Variants in MYRIP observed in about 807,000 individuals in gnomAD.
MYRIP encodes the protein myosin VIIA and Rab interacting protein.
MYRIP carries 49 observed loss-of-function variants against 98.0 expected under a neutral mutation model. The ratio of observed to expected loss-of-function variants is 0.50; its 90% CI spans 0.40 to 0.63. The LOEUF (loss-of-function observed/expected upper bound fraction) is 0.63. MYRIP is among the 30% of genes least tolerant of loss of function. The pLI, the probability that MYRIP is intolerant of heterozygous loss-of-function variation, is 0.00. For missense variants in MYRIP, 1,004 were observed against 1,058.2 expected (o/e 0.95, Z 0.71); for synonymous variants, 404 against 409.5 (o/e 0.99, Z 0.16).
At chr3:40,185,505 G>C (rs1441610389) in intron 9 of MYRIP, among the ~76,000 whole-genome samples, 1 of 152,148 alleles carries the variant, frequency 6.6e-6, no homozygotes, top group Non-Finnish European at 1.5e-5. Flanking sequence ...GATGGACCGG[G>C]AGACTGTGGT....
chr3:39,996,205 A>G (rs1325055005), intron 2 of MYRIP, among the ~76,000 whole-genome samples: 7 of 152,318 alleles, frequency 4.6e-5, no homozygotes, highest in African/African-American at 9.6e-5. Flanking sequence ...ATGTAAATGG[A>G]CTAAATCCTC....
chr3:40,164,822 C>T lies in MYRIP; in HGVS notation c.550+2012C>T, dbSNP rs555834498. Reference sequence around the variant, plus strand: ...ATAGCATCCAAAGCCTTCCTAGTTACAGCTCCAGGTGCCTACCTTCCAGGG... The same window carrying T: ...ATAGCATCCAAAGCCTTCCTAGTTATAGCTCCAGGTGCCTACCTTCCAGGG... On this transcript the variant is annotated intron_variant, in intron 5 of 16. Transcript: ENST00000302541. Among the ~76,000 whole-genome samples, 10 of 152,152 alleles carry T rather than the reference C, an allele frequency of 6.6e-5. No homozygotes were observed. In the East Asian group the frequency reaches 1.9e-3, roughly 29 times the overall value.
chr3:39,876,747 C>T (rs1278325899), intron 1 of MYRIP, among the ~76,000 whole-genome samples: 3 of 152,088 alleles, frequency 2.0e-5, no homozygotes, highest in Non-Finnish European at 4.4e-5. Flanking sequence ...GAGGGTAACC[C>T]GACTTTTCTC....
intron 11 of MYRIP, among the ~76,000 whole-genome samples, chr3:40,217,344 T>C (rs944240762): frequency 6.6e-6 from 1 of 152,166 alleles, no homozygotes; most frequent in African/African-American, 2.4e-5. Flanking sequence ...TATTGGCAAA[T>C]TGTTTCTAAC....
chr3:40,178,064 C>CATAT (rs1950806536), intron 8 of MYRIP, among the ~76,000 whole-genome samples: 1 of 152,196 alleles, frequency 6.6e-6, no homozygotes, highest in Non-Finnish European at 1.5e-5. Context: ...GTTACGTATA[C>CATAT]ATATGACCAC....
intron 2 of MYRIP, among the ~76,000 whole-genome samples, chr3:39,924,542 T>G (rs967450828): frequency 1.1e-4 from 16 of 151,966 alleles, no homozygotes; most frequent in Non-Finnish European, 2.1e-4. Flanking sequence ...AGATGGAGAC[T>G]TCAACAACCT....
At chr3:40,218,625 T>TATA (rs1553629254) in intron 11 of MYRIP, among the ~76,000 whole-genome samples, 13 of 17,068 alleles carry the variant, frequency 7.6e-4, no homozygotes, top group African/African-American at 9.4e-4. Flanking sequence ...TATATATATA[T>TATA]ATATATATAT....
intron 2 of MYRIP, among the ~76,000 whole-genome samples, chr3:39,981,378 T>C (rs370227209): frequency 2.0e-5 from 3 of 152,348 alleles, no homozygotes; most frequent in African/African-American, 7.2e-5. Flanking sequence ...CTGTCTGGGC[T>C]CTTTTTACAA....
chr3:39,979,558 C>T (rs984640777), intron 2 of MYRIP, among the ~76,000 whole-genome samples: 8 of 151,266 alleles, frequency 5.3e-5, no homozygotes, highest in Non-Finnish European at 8.8e-5. Context: ...GAATCGCTTG[C>T]ACCTGGGAGG....
At chr3:39,927,735 CA>C (rs901466594) in intron 2 of MYRIP, among the ~76,000 whole-genome samples, 101 of 151,854 alleles carry the variant, frequency 6.7e-4, no homozygotes, top group African/African-American at 2.3e-3. Context: ...AAAGACACAG[CA>C]AAAAAAGAAA....
At chr3:39,951,396 A>G (rs1411329297) in intron 2 of MYRIP, among the ~76,000 whole-genome samples, 1 of 152,040 alleles carries the variant, frequency 6.6e-6, no homozygotes, top group Non-Finnish European at 1.5e-5. Context: ...GCTTCCAAGT[A>G]AATCTAAAGT....
At chr3:40,246,977 T>A (rs1367706493) in intron 13 of MYRIP, among the ~76,000 whole-genome samples, 1 of 152,100 alleles carries the variant, frequency 6.6e-6, no homozygotes, top group African/African-American at 2.4e-5. Context: ...TAAAAAAAAA[T>A]TATTTTCCAT....
intron 3 of MYRIP, among the ~76,000 whole-genome samples, chr3:40,118,926 T>A (rs1172303456): frequency 1.3e-5 from 2 of 151,968 alleles, no homozygotes; most frequent in Non-Finnish European, 2.9e-5. Context: ...TTTTTATGGC[T>A]GCATAGTATT....
rs1949115107 is a variant in MYRIP at position 40,109,418 on chromosome 3, A to G, written c.333-41630A>G. On this transcript the variant is annotated intron_variant, in intron 3 of 16. Coordinates refer to ENST00000302541, the MANE Select transcript of MYRIP (RefSeq NM_015460.4). ...GGGTGGAGTCAACAATGTAAGAGAG[A>G]GGGAAGAGGAATTTGGGGCAAAAGT... Among the ~76,000 whole-genome samples, 3 of 152,136 alleles carry G rather than the reference A, an allele frequency of 2.0e-5. No homozygotes were observed. The South Asian group carries it at 6.2e-4, about 32-fold the overall frequency.
At chr3:39,916,677 C>T (rs1044004802) in intron 2 of MYRIP, among the ~76,000 whole-genome samples, 1 of 151,990 alleles carries the variant, frequency 6.6e-6, no homozygotes, top group Non-Finnish European at 1.5e-5. Context: ...CCCCACAAAC[C>T]TTCCTCATTT....
chr3:39,861,190 C>G (rs1037427699), intron 1 of MYRIP, among the ~76,000 whole-genome samples: 2 of 152,186 alleles, frequency 1.3e-5, no homozygotes, highest in African/African-American at 2.4e-5. Flanking sequence ...TTGATGCTAG[C>G]CCCCCAGAGT....
chr3:39,877,923 G>A (rs1943047051), intron 1 of MYRIP, among the ~76,000 whole-genome samples: 1 of 152,188 alleles, frequency 6.6e-6, no homozygotes, highest in South Asian at 2.1e-4. Flanking sequence ...CTGTCTTTTT[G>A]TTTGTCTGTG....
chr3:40,175,099 T>A (rs1950720719), intron 8 of MYRIP, among the ~76,000 whole-genome samples: 1 of 151,768 alleles, frequency 6.6e-6, no homozygotes, highest in African/African-American at 2.4e-5. Flanking sequence ...CATTCCAGCC[T>A]GGGTGACAGA....
At chr3:39,996,309 A>G (rs1384104744) in intron 2 of MYRIP, among the ~76,000 whole-genome samples, 1 of 152,206 alleles carries the variant, frequency 6.6e-6, no homozygotes, top group Non-Finnish European at 1.5e-5. Flanking sequence ...AGAGACACAC[A>G]TAGGCTCAAA....
Sources: allele counts gnomAD v4.1 joint callset (sites outside exome capture counted in the v4.1 genomes callset), GRCh38; gene constraint gnomAD v4.1.1; transcripts MANE v1.5; gene names NCBI Gene and HGNC (gene_info 2026-07-23, HGNC 2026-07-21).